PRKN: variants seen among roughly 807,000 people sequenced by gnomAD.
PRKN encodes the protein parkin RBR E3 ubiquitin protein ligase, also known as E3 ubiquitin-protein ligase parkin.
PRKN carries 56 observed loss-of-function variants against 59.5 expected under a neutral mutation model. The observed-to-expected ratio is 0.94, with a 90% CI of 0.76 to 1.18. The LOEUF (loss-of-function observed/expected upper bound fraction) is 1.18, where lower values mean the gene tolerates loss of function less well. PRKN is among the 50% of genes most tolerant of loss of function. The probability of loss-of-function intolerance (pLI) is 0.00; values close to 1 mark genes in which losing one functional copy is unlikely to be tolerated. For missense variants in PRKN, 657 were observed against 596.4 expected, an observed-to-expected ratio of 1.10 and a Z score of -1.06; for synonymous variants, 250 against 222.1, an observed-to-expected ratio of 1.13 and a Z score of -1.12.
intron 4 of PRKN, among the ~76,000 whole-genome samples, chr6:162,135,024 G>A (rs1029288711): frequency 1.3e-5 from 2 of 152,244 alleles, no homozygotes; most frequent in East Asian, 1.9e-4. Context: ...GAATAACACA[G>A]AGCATCCCAC....
intron 1 of PRKN, among the ~76,000 whole-genome samples, chr6:162,479,660 G>T (rs1379299957): frequency 5.3e-5 from 8 of 152,048 alleles, no homozygotes; most frequent in Non-Finnish European, 1.0e-4. Flanking sequence ...GGTCTTCAGG[G>T]ACAATAACAA....
intron 7 of PRKN, among the ~76,000 whole-genome samples, chr6:161,627,016 C>A (rs920194343): frequency 2.0e-5 from 3 of 152,200 alleles, no homozygotes; most frequent in Non-Finnish European, 4.4e-5. Context: ...CTGCCTTCAG[C>A]CAAATTTTCT....
intron 8 of PRKN, among the ~76,000 whole-genome samples, chr6:161,567,793 G>A (rs1780712616): frequency 6.6e-6 from 1 of 152,164 alleles, no homozygotes; most frequent in Admixed American, 6.5e-5. Flanking sequence ...AAACAAAAAT[G>A]GAAACACTGC....
At chr6:161,392,258 C>T (rs1786544997) in intron 9 of PRKN, among the ~76,000 whole-genome samples, 2 of 151,656 alleles carry the variant, frequency 1.3e-5, no homozygotes, top group Admixed American at 6.6e-5. Context: ...GTGGCAGGCA[C>T]CTGTAATCCC....
At position 161,362,997 on chromosome 6, in the gene PRKN, T is replaced by C. The variant is rs949138302; in HGVS notation, c.1168-2792A>G. ...TGGCTCACACCTGTAATCCCAGCAC[T>C]TTGGGAGGCTGAGGCAGGTGGATCA... On this transcript the variant is annotated intron_variant, in intron 10 of 11. Coordinates refer to ENST00000366898, the MANE Select transcript of PRKN (RefSeq NM_004562.3). The surrounding 1 kb of genome is among the most constrained non-coding windows in gnomAD (Gnocchi z 5.2). Among the ~76,000 whole-genome samples, 6 of 152,178 alleles carry C rather than the reference T, an allele frequency of 3.9e-5. No individual in the cohort carries two copies. The highest frequency in any genetic ancestry group is 7.3e-5 in the Non-Finnish European group (5 of 68,036).
chr6:161,733,784 ATATATATATATATGTATAT>A (rs1787830485), intron 7 of PRKN, among the ~76,000 whole-genome samples: 1 of 63,486 alleles, frequency 1.6e-5, no homozygotes, highest in African/African-American at 1.5e-4. Flanking sequence ...AAAAAAAAAA[ATATATATATATATGTATAT>A]ATATATATAT....
intron 6 of PRKN, among the ~76,000 whole-genome samples, chr6:161,865,155 C>T (rs1360870529): frequency 1.3e-5 from 2 of 152,126 alleles, no homozygotes; most frequent in African/African-American, 2.4e-5. Flanking sequence ...GGTACATTCT[C>T]AGTGAGTAGT....
intron 7 of PRKN, among the ~76,000 whole-genome samples, chr6:161,781,273 A>G (rs1023224410): frequency 6.6e-6 from 1 of 152,248 alleles, no homozygotes; most frequent in Admixed American, 6.5e-5. Flanking sequence ...AAAAAATAAA[A>G]GCAAATTTCT....
At chr6:162,370,721 T>C (rs1785721073) in intron 2 of PRKN, among the ~76,000 whole-genome samples, 1 of 152,180 alleles carries the variant, frequency 6.6e-6, no homozygotes, top group African/African-American at 2.4e-5. Context: ...AATACAGTCA[T>C]AGCAACTAAT....
At chr6:162,497,821 G>A (rs1793136883) in intron 1 of PRKN, among the ~76,000 whole-genome samples, 1 of 152,088 alleles carries the variant, frequency 6.6e-6, no homozygotes, top group African/African-American at 2.4e-5. Flanking sequence ...ATAGATAGAA[G>A]GAATATGTTC....
intron 7 of PRKN, among the ~76,000 whole-genome samples, chr6:161,595,651 T>C (rs936074867): frequency 7.9e-5 from 12 of 152,154 alleles, no homozygotes; most frequent in Non-Finnish European, 1.8e-4. Context: ...AGAGTGTCTT[T>C]TTCCACTGAA....
At chr6:162,067,008 C>A (rs775857941) in intron 4 of PRKN, among the ~76,000 whole-genome samples, 1 of 152,168 alleles carries the variant, frequency 6.6e-6, no homozygotes, top group Non-Finnish European at 1.5e-5. Context: ...TGATGACCAA[C>A]GGGATATAAC....
intron 6 of PRKN, among the ~76,000 whole-genome samples, chr6:161,969,402 G>C (rs891425469): frequency 6.6e-6 from 1 of 152,076 alleles, no homozygotes; most frequent in Non-Finnish European, 1.5e-5. Flanking sequence ...GAAAGGGATG[G>C]AGCCTTGGGA....
intron 7 of PRKN, among the ~76,000 whole-genome samples, chr6:161,712,030 G>T (rs1368392468): frequency 6.6e-6 from 1 of 152,104 alleles, no homozygotes; most frequent in Non-Finnish European, 1.5e-5. Context: ...GTGATCATGT[G>T]AGTCAATTAT....
At chr6:161,536,135 T>C (rs1042584196) in intron 9 of PRKN, among the ~76,000 whole-genome samples, 21 of 152,010 alleles carry the variant, frequency 1.4e-4, no homozygotes, top group Admixed American at 1.0e-3. Flanking sequence ...TTAAGAGAAA[T>C]AAATGCCTGT....
At chr6:161,818,144 G>A (rs559099885) in intron 6 of PRKN, among the ~76,000 whole-genome samples, 148 of 152,210 alleles carry the variant, frequency 9.7e-4, no homozygotes, top group African/African-American at 3.4e-3. Context: ...GAAATGGACA[G>A]CTGTGAGGTG....
At chr6:162,420,890 T>G (rs1788925386) in intron 2 of PRKN, among the ~76,000 whole-genome samples, 1 of 152,214 alleles carries the variant, frequency 6.6e-6, no homozygotes, top group South Asian at 2.1e-4. Flanking sequence ...CTTCTACTTA[T>G]GTACTCTCTT....
intron 6 of PRKN, among the ~76,000 whole-genome samples, chr6:161,853,038 A>C (rs1292827068): frequency 6.6e-6 from 1 of 152,192 alleles, no homozygotes; most frequent in Non-Finnish European, 1.5e-5. Context: ...ATTTTCCTAA[A>C]ACAATATATA....
chr6:161,999,123 C>T (rs1257827056), intron 5 of PRKN, among the ~76,000 whole-genome samples: 1 of 152,126 alleles, frequency 6.6e-6, no homozygotes, highest in Admixed American at 6.6e-5. Context: ...CTTGCCTCCA[C>T]CACAAGCGAT....
Sources: gnomAD v4.1 joint callset for allele counts (sites outside exome capture counted in the v4.1 genomes callset) on GRCh38, gnomAD v4.1.1 for gene constraint, Gnocchi (gnomAD v3.1) non-coding constraint, MANE v1.5 for transcripts, NCBI Gene and HGNC (gene_info 2026-07-23, HGNC 2026-07-21) for gene names.